FOXP1: variants seen among roughly 807,000 people sequenced by gnomAD.
The protein encoded by FOXP1 is forkhead box protein P1.
A neutral mutation model predicts 98.2 loss-of-function variants in FOXP1; 15 were observed. That is an observed-to-expected ratio of 0.15 (90% CI 0.10 to 0.24). The LOEUF is 0.24. FOXP1 is among the 10% of genes least tolerant of loss of function. The pLI is 1.00. For synonymous variants in FOXP1, 371 were observed against 314.5 expected (o/e 1.18, Z -1.90); for missense variants, 633 against 848.5 (o/e 0.75, Z 3.15).
intron 2 of FOXP1, chr3:71,581,164 G>C (rs2107889879): frequency 1.0e-6 from 1 of 984,560 alleles, no homozygotes; most frequent in African/African-American, 1.7e-5. Context: ...GATGAGCCCA[G>C]ACTAAATCAA....
At chr3:71,004,777 T>C (rs927785691) in intron 12 of FOXP1, among the ~76,000 whole-genome samples, 12 of 152,152 alleles carry the variant, frequency 7.9e-5, no homozygotes, top group Admixed American at 7.9e-4. Flanking sequence ...AAATTAGAGA[T>C]GTTAAGCCGG....
In FOXP1 at chr3:71,396,197, T is replaced by C. The variant is rs561970439; in HGVS notation, c.-167-36953A>G. Among the ~76,000 whole-genome samples, 40 of 152,068 alleles carry C rather than the reference T, an allele frequency of 2.6e-4. No individual in the cohort carries two copies. In the South Asian group the frequency reaches 7.1e-3, roughly 27 times the overall value. The stretch of plus-strand genomic sequence containing the variant: ...CACAGAACCTTGAGTGCTGGAACAG[T>C]AGAGCATCAAAGCAGGGCAAGAATC... On this transcript the variant is annotated intron_variant, in intron 3 of 20. Coordinates refer to ENST00000649528, the MANE Select transcript of FOXP1 (RefSeq NM_001349338.3).
chr3:71,112,707 T>C (rs2107749594), intron 6 of FOXP1, 70 bp from the exon 7 acceptor site: 1 of 1,179,028 alleles, frequency 8.5e-7, no homozygotes, highest in East Asian at 2.3e-5. Flanking sequence ...AAAAAAGGAT[T>C]CCAGGAAGTG....
At chr3:71,391,423 G>A (rs565431009) in intron 3 of FOXP1, among the ~76,000 whole-genome samples, 7 of 152,210 alleles carry the variant, frequency 4.6e-5, no homozygotes, top group African/African-American at 1.2e-4. Flanking sequence ...CAATCATATA[G>A]CAAATTCTCC....
chr3:71,055,732 C>A (rs1043201877), intron 7 of FOXP1, among the ~76,000 whole-genome samples: 2 of 152,146 alleles, frequency 1.3e-5, no homozygotes, highest in Admixed American at 6.5e-5. Context: ...CTAAAGCCAG[C>A]GTATCACAAT....
chr3:71,388,548 C>T (rs934166510), intron 3 of FOXP1, among the ~76,000 whole-genome samples: 25 of 151,906 alleles, frequency 1.6e-4, no homozygotes, highest in Admixed American at 8.5e-4. Context: ...ATTGTAACAC[C>T]GGTTATTATT....
chr3:71,541,593 C>T (rs1188228643), intron 2 of FOXP1, among the ~76,000 whole-genome samples: 1 of 151,804 alleles, frequency 6.6e-6, no homozygotes, highest in Admixed American at 6.6e-5. Flanking sequence ...TCTAGCTGCA[C>T]AACAGATACA....
At chr3:71,404,354 C>G (rs889854066) in intron 3 of FOXP1, among the ~76,000 whole-genome samples, 2 of 151,606 alleles carry the variant, frequency 1.3e-5, no homozygotes, top group Non-Finnish European at 2.9e-5. Context: ...CTCGAACTCC[C>G]CACCTCAGTT....
chr3:71,377,567 G>A (rs1033158493), intron 3 of FOXP1, among the ~76,000 whole-genome samples: 4 of 152,090 alleles, frequency 2.6e-5, no homozygotes, highest in African/African-American at 7.2e-5. Context: ...CAAGGTCACC[G>A]AGTTCCTAAG....
chr3:71,526,628 C>T (rs1470647532), intron 2 of FOXP1, among the ~76,000 whole-genome samples: 1 of 152,160 alleles, frequency 6.6e-6, no homozygotes, highest in East Asian at 1.9e-4. Context: ...TGTACTGCAT[C>T]ACTGCCAAGC....
chr3:71,027,616 T>C (rs1307327759), intron 11 of FOXP1, among the ~76,000 whole-genome samples: 1 of 152,230 alleles, frequency 6.6e-6, no homozygotes, highest in Non-Finnish European at 1.5e-5. Flanking sequence ...GGTTCTTAGA[T>C]CAGTCTCCAA....
intron 5 of FOXP1, among the ~76,000 whole-genome samples, chr3:71,280,560 G>C (rs1177845916): frequency 1.3e-5 from 2 of 152,012 alleles, no homozygotes; most frequent in Non-Finnish European, 2.9e-5. Context: ...CTGACCTCAA[G>C]TGATCCACCT....
chr3:71,420,037 G>A (rs542485066), intron 3 of FOXP1, among the ~76,000 whole-genome samples: 4 of 151,938 alleles, frequency 2.6e-5, no homozygotes, highest in South Asian at 2.1e-4. Context: ...GGCTGGTCTC[G>A]AACTCCTGAG....
rs138580289 is a variant in FOXP1 at position 71,394,254 on chromosome 3, T to C, written c.-167-35010A>G. On this transcript the variant is annotated intron_variant, in intron 3 of 20. Coordinates refer to ENST00000649528, the MANE Select transcript of FOXP1 (RefSeq NM_001349338.3). ...AACAATGATGAGTCCTCTTTAGAGA[T>C]ACGTTTTTAAAACCAACAGTCAACT... is the stretch of plus-strand genomic sequence containing the variant. Among the ~76,000 whole-genome samples, 618 of 152,340 alleles carry C rather than the reference T, an allele frequency of 4.1e-3. 3 individuals carry two copies. The highest frequency in any genetic ancestry group is 0.014 in the African/African-American group (594 of 41,572).
intron 6 of FOXP1, among the ~76,000 whole-genome samples, chr3:71,177,939 TCA>T (rs2108262657): frequency 6.8e-6 from 1 of 147,900 alleles, no homozygotes; most frequent in South Asian, 2.2e-4. Context: ...CCTCCCAGGC[TCA>T]CCTTTCATCT....
intron 4 of FOXP1, among the ~76,000 whole-genome samples, chr3:71,348,012 C>T (rs369300414): frequency 1.3e-5 from 2 of 152,148 alleles, no homozygotes; most frequent in Admixed American, 1.3e-4. Context: ...TACATGTACA[C>T]CTATGAAAAA....
At chr3:71,052,430 G>C (rs1034208919) in intron 9 of FOXP1, 107 bp downstream of exon 9, 8 of 785,998 alleles carry the variant, frequency 1.0e-5, no homozygotes, top group East Asian at 7.5e-5. Context: ...AGAACCGATA[G>C]AGTCAGCTCA....
chr3:71,025,050 A>T (rs1324128203), intron 11 of FOXP1, among the ~76,000 whole-genome samples: 3 of 152,222 alleles, frequency 2.0e-5, no homozygotes, highest in Admixed American at 1.3e-4. Context: ...TTATGAGTAC[A>T]TCAGAAACAT....
At chr3:71,325,753 T>A (rs1241004818) in intron 4 of FOXP1, among the ~76,000 whole-genome samples, 3 of 152,100 alleles carry the variant, frequency 2.0e-5, no homozygotes, top group African/African-American at 7.2e-5. Context: ...GGCATGCTCA[T>A]AGCACACTGC....
Sources: gnomAD v4.1 joint callset for allele counts (sites outside exome capture counted in the v4.1 genomes callset) on GRCh38, gnomAD v4.1.1 for gene constraint, MANE v1.5 for transcripts, NCBI Gene and HGNC (gene_info 2026-07-23, HGNC 2026-07-21) for gene names.